Variants in DLGAP2 observed in about 807,000 individuals in gnomAD.
The protein encoded by DLGAP2 is DLG associated protein 2, also known as disks large-associated protein 2.
Under a neutral mutation model 100.3 loss-of-function variants are expected in DLGAP2, and 26 were observed. The observed-to-expected ratio is 0.26, with a 90% CI of 0.19 to 0.36. The LOEUF is 0.36. Among genes scored for constraint, DLGAP2 ranks in the 10% least tolerant of loss-of-function variants. The pLI is 1.00. For missense variants in DLGAP2, 1,858 were observed against 1,453.2 expected (o/e 1.28, Z -4.53); for synonymous variants, 886 against 630.1 (o/e 1.41, Z -6.08).
intron 4 of DLGAP2, among the ~76,000 whole-genome samples, chr8:1,504,530 TCCG>T (rs984962022): frequency 4.1e-4 from 63 of 152,300 alleles, no homozygotes; most frequent in Middle Eastern, 3.4e-3. Flanking sequence ...GCTGCACCCT[TCCG>T]CCAACATCCT....
chr8:842,113 C>A (rs1056785986), intron 1 of DLGAP2, among the ~76,000 whole-genome samples: 1 of 152,170 alleles, frequency 6.6e-6, no homozygotes, highest in Admixed American at 6.5e-5. Flanking sequence ...TGCATTCTTT[C>A]CCTTCTGGTA....
At chr8:1,324,282 A>C (rs1033808140) in intron 3 of DLGAP2, among the ~76,000 whole-genome samples, 1 of 152,220 alleles carries the variant, frequency 6.6e-6, no homozygotes, top group African/African-American at 2.4e-5. Context: ...CAGAGTTTTC[A>C]TTGAGCTCCA....
At chr8:1,452,192 T>TGCGTGCTCTGTGGCC (rs1273637783) in intron 3 of DLGAP2, among the ~76,000 whole-genome samples, 1 of 152,254 alleles carries the variant, frequency 6.6e-6, no homozygotes, top group Non-Finnish European at 1.5e-5. Context: ...GTTCTGTGGC[T>TGCGTGCTCTGTGGCC]GCGTGCTCTG....
chr8:1,417,159 A>AGGGTGGGG (rs1563133699), intron 3 of DLGAP2, among the ~76,000 whole-genome samples: 1 of 77,228 alleles, frequency 1.3e-5, no homozygotes. Flanking sequence ...ACTCTGAGTG[A>AGGGTGGGG]AGGGGAAGCC....
intron 3 of DLGAP2, among the ~76,000 whole-genome samples, chr8:1,422,046 C>G (rs148621059): frequency 2.6e-5 from 4 of 152,244 alleles, no homozygotes; most frequent in African/African-American, 7.2e-5. Flanking sequence ...TGCTGAGCAT[C>G]TAACACACGC....
At chr8:1,579,763 C>T (rs1462331558) in intron 6 of DLGAP2, among the ~76,000 whole-genome samples, 2 of 152,170 alleles carry the variant, frequency 1.3e-5, no homozygotes, top group African/African-American at 4.8e-5. Context: ...AAAAATACAG[C>T]CACGTTCACT....
intron 2 of DLGAP2, among the ~76,000 whole-genome samples, chr8:1,045,714 T>C (rs1199033698): frequency 6.6e-6 from 1 of 152,216 alleles, no homozygotes; most frequent in Admixed American, 6.5e-5. Flanking sequence ...TGTCCTTTTT[T>C]AGGGACAGGT....
At chr8:1,194,622 GC>G (rs942894464) in intron 2 of DLGAP2, among the ~76,000 whole-genome samples, 19 of 152,206 alleles carry the variant, frequency 1.2e-4, no homozygotes, top group Non-Finnish European at 2.6e-4. Context: ...GATTCTGGAA[GC>G]CGAGTCCTTG....
At chr8:933,685 G>A (rs533887707) in intron 2 of DLGAP2, among the ~76,000 whole-genome samples, 5 of 83,676 alleles carry the variant, frequency 6.0e-5, no homozygotes, top group Non-Finnish European at 6.8e-5. Context: ...ACACCTGGCC[G>A]TGGGCACAAG....
At chr8:948,430 G>A (rs1271949338) in intron 2 of DLGAP2, among the ~76,000 whole-genome samples, 2 of 152,212 alleles carry the variant, frequency 1.3e-5, no homozygotes. Context: ...AGGGTCCCAT[G>A]CCTTCCCCTT....
At position 1,176,561 on chromosome 8, in the gene DLGAP2, G is replaced by A. The variant is rs534719774; in HGVS notation, c.74-82290G>A. 4.0e-5 allele frequency among the ~76,000 whole-genome samples: 6 copies of A among 150,814 alleles called. No individual in the cohort carries two copies. The South Asian group carries it at 1.3e-3, about 32-fold the overall frequency. On this transcript the variant is annotated intron_variant, in intron 2 of 14. Coordinates refer to ENST00000637795, the MANE Select transcript of DLGAP2 (RefSeq NM_001346810.2). ...TGAATTTAACTGGTTTATTGACGTT[G>A]TTCATGCTCAGGTCCCACCCATCTC...
chr8:1,036,812 T>G (rs1208407140), intron 2 of DLGAP2, among the ~76,000 whole-genome samples: 1 of 152,166 alleles, frequency 6.6e-6, no homozygotes, highest in Non-Finnish European at 1.5e-5. Context: ...TAGGCAGTCA[T>G]GGTTCAGAAT....
chr8:1,113,135 T>C (rs1482462955), intron 2 of DLGAP2, among the ~76,000 whole-genome samples: 1 of 152,232 alleles, frequency 6.6e-6, no homozygotes, highest in African/African-American at 2.4e-5. Flanking sequence ...TTGGATAATA[T>C]GATGCCTCCA....
At chr8:1,005,654 A>C (rs1441327147) in intron 2 of DLGAP2, among the ~76,000 whole-genome samples, 2 of 151,288 alleles carry the variant, frequency 1.3e-5, no homozygotes, top group Non-Finnish European at 2.9e-5. Flanking sequence ...TCCTAGGTTC[A>C]AGTGATTCTC....
chr8:924,418 A>G (rs1397141246), intron 2 of DLGAP2, among the ~76,000 whole-genome samples: 1 of 151,866 alleles, frequency 6.6e-6, no homozygotes, highest in Non-Finnish European at 1.5e-5. Flanking sequence ...ATGGGGAGGG[A>G]CAATGTTGTG....
At chr8:1,099,645 T>G (rs922953484) in intron 2 of DLGAP2, among the ~76,000 whole-genome samples, 4 of 152,238 alleles carry the variant, frequency 2.6e-5, no homozygotes, top group African/African-American at 9.6e-5. Flanking sequence ...GGAGAACGTC[T>G]TCTGCCCTGA....
chr8:1,681,369 A>AGCTGTAATCCCAG (rs1798940206), intron 12 of DLGAP2, among the ~76,000 whole-genome samples: 1 of 152,162 alleles, frequency 6.6e-6, no homozygotes, highest in Non-Finnish European at 1.5e-5. Flanking sequence ...ACAGTGGCTC[A>AGCTGTAATCCCAG]CACCTGTAAT....
At position 770,259 on chromosome 8, in the gene DLGAP2, T is replaced by G. The variant is rs139489850; in HGVS notation, c.18+32434T>G. 5.6e-3 allele frequency among the ~76,000 whole-genome samples: 858 copies of G among 152,126 alleles called. 8 individuals carry two copies. The highest frequency in any genetic ancestry group is 0.02 in the African/African-American group (817 of 41,520). On this transcript the variant is annotated intron_variant, in intron 1 of 14. Coordinates refer to ENST00000637795, the MANE Select transcript of DLGAP2 (RefSeq NM_001346810.2). ...CTCGTCAGGGGTGAGGGAGAGTGCG[T>G]GCGTGGCGTGCGTGGCTCAGAGGGA...
chr8:1,703,760 G>A lies in DLGAP2; in HGVS notation c.*2354G>A, dbSNP rs181411182. ...TAAAAGAAAATGTTCACTGCATGTA[G>A]GTTGATTTCTTATGTTTTGTAGACT... On this transcript the variant is annotated 3_prime_UTR_variant, in exon 15 of 15. Transcript: ENST00000637795. 1.3e-5 allele frequency: 2 copies of A among 152,492 alleles called. No homozygotes were observed. The highest frequency in any genetic ancestry group is 1.9e-4 in the East Asian group (1 of 5,182). The allele number at this position is 152,492 out of a possible 1,614,324, so 9.4% of individuals were successfully genotyped here.
Sources: allele counts gnomAD v4.1 joint callset (sites outside exome capture counted in the v4.1 genomes callset), GRCh38; gene constraint gnomAD v4.1.1; transcripts MANE v1.5; gene names NCBI Gene and HGNC (gene_info 2026-07-23, HGNC 2026-07-21).